The following LINGO1 variants were observed in gnomAD, a reference collection of about 807,000 sequenced individuals.
LINGO1 encodes the protein leucine-rich repeat and immunoglobulin-like domain-containing nogo receptor-interacting protein 1.
In LINGO1, 11 loss-of-function variants were observed where a neutral mutation model predicts 37.3. The observed-to-expected ratio is 0.29, with a 90% confidence interval of 0.19 to 0.49. The LOEUF (loss-of-function observed/expected upper bound fraction) is 0.49. Among genes scored for constraint, LINGO1 ranks in the 20% least tolerant of loss-of-function variants. LINGO1 has a pLI of 0.99. For synonymous variants in LINGO1, 387 were observed against 403.0 expected, an observed-to-expected ratio of 0.96 and a Z score of 0.48; for missense variants, 585 against 878.2, an observed-to-expected ratio of 0.67 and a Z score of 4.22.
chr15:77,796,753 C>G (rs1486149799), intron 1 of LINGO1, among the ~76,000 whole-genome samples: 1 of 151,950 alleles, frequency 6.6e-6, no homozygotes, highest in Non-Finnish European at 1.5e-5. Context: ...GCTCTGCCAC[C>G]CAGCCTGGAG....
At chr15:77,764,169 C>A (rs776355409) in intron 1 of LINGO1, among the ~76,000 whole-genome samples, 3 of 152,240 alleles carry the variant, frequency 2.0e-5, no homozygotes, top group Non-Finnish European at 4.4e-5. Flanking sequence ...ACTCCGTCTG[C>A]GTTCATGCCC....
At chr15:77,691,418 G>A (rs1163694998) in intron 1 of LINGO1, among the ~76,000 whole-genome samples, 1 of 152,042 alleles carries the variant, frequency 6.6e-6, no homozygotes, top group African/African-American at 2.4e-5. Context: ...CCATGGCCTC[G>A]TGTTTTCCCA....
At position 77,615,386 on chromosome 15, in the gene LINGO1, A is replaced by G. The variant is rs866553142; in HGVS notation, c.521T>C (p.Val174Ala). ...QDLYNLKSLE[V>A]GDNDLVYISH... The stretch of plus-strand genomic sequence containing the variant: ...GATGTAGACGAGGTCATTGTCGCCA[A>G]CCTCCAGTGACTTGAGGTTGTACAG... Residue 174 changes from valine to alanine, a missense_variant, in exon 2 of 2, where the codon GTT becomes GCT. By Grantham distance (64) the Val-to-Ala change is moderately conservative. Transcript: ENST00000355300. 7 of 1,613,814 alleles carry G rather than the reference A, an allele frequency of 4.3e-6. No homozygotes were observed. Among genetic ancestry groups the G allele is most frequent in the African/African-American group, 1.3e-5 (1 of 74,898 alleles).
intron 2 of LINGO1, among the ~76,000 whole-genome samples, chr15:77,725,846 T>C (rs2076096890): frequency 6.6e-6 from 1 of 152,182 alleles, no homozygotes; most frequent in South Asian, 2.1e-4. Context: ...AGAGAGCTGG[T>C]CTGAGATGGC....
rs78157930 is a variant in LINGO1 at position 77,676,065 on chromosome 15, G to T, written c.-13+1024C>A. Among the ~76,000 whole-genome samples, 780 of 152,362 alleles carry T rather than the reference G, an allele frequency of 5.1e-3. 7 individuals carry two copies. Among genetic ancestry groups the T allele is most frequent in the African/African-American group, 0.018 (751 of 41,584 alleles). ...TCCGCTGTCAGAGAGCCAGAGGGGG[G>T]AAGACGAGGAACCTTACAGCACTCC... is the stretch of plus-strand genomic sequence containing the variant. On this transcript the variant is annotated intron_variant, in intron 3 of 3. Transcript: ENST00000559893.
At position 77,614,798 on chromosome 15, in the gene LINGO1, G is replaced by A. The variant is rs747920582; in HGVS notation, c.1109C>T (p.Pro370Leu). ...NLETLILDSN[P>L]LACDCRLLWV... ...CAGGAGCCGACAGTCGCAGGCCAGC[G>A]GGTTGGAGTCCAGGATGAGTGTCTC... The change falls in exon 2 of 2, where the codon CCG (proline) becomes CTG (leucine). Residue 370 changes from proline to leucine, a missense_variant. Pro to Leu is a moderately conservative substitution (Grantham distance 98, BLOSUM62 -3). Transcript: ENST00000355300. 3 of 1,610,600 alleles carry A rather than the reference G, an allele frequency of 1.9e-6. No individual in the cohort carries two copies. Among genetic ancestry groups the A allele is most frequent in the Non-Finnish European group, 1.7e-6 (2 of 1,178,448 alleles).
At chr15:77,812,122 A>G (rs1345788492) in intron 1 of LINGO1, among the ~76,000 whole-genome samples, 1 of 152,184 alleles carries the variant, frequency 6.6e-6, no homozygotes, top group Admixed American at 6.5e-5. Context: ...ACTGAGCCCT[A>G]GCTGCACATT....
Position 77,613,845 on chromosome 15 carries a change from C to T in LINGO1, c.*199G>A. 1 of 599,734 alleles carries T rather than the reference C, an allele frequency of 1.7e-6. No individual in the cohort carries two copies. The highest frequency in any genetic ancestry group is 2.8e-5 in the East Asian group (1 of 35,906). The allele number at this position is 599,734 out of a possible 1,614,324, so 37.2% of individuals were successfully genotyped here. ...CCCTGTGTAGGTGGGGTCCCCAGGT[C>T]TGGGCTTCTGAGGTCCTGGTAGAAG... On this transcript the variant is annotated 3_prime_UTR_variant, in exon 2 of 2. Coordinates refer to ENST00000355300, the MANE Select transcript of LINGO1 (RefSeq NM_032808.7).
At chr15:77,705,630 C>T (rs139102860) in intron 2 of LINGO1, among the ~76,000 whole-genome samples, 3 of 152,374 alleles carry the variant, frequency 2.0e-5, no homozygotes, top group African/African-American at 7.2e-5. Context: ...GGGAGCCACC[C>T]TGTCCTGGGC....
intron 2 of LINGO1, among the ~76,000 whole-genome samples, chr15:77,680,598 C>A (rs919599973): frequency 6.6e-6 from 1 of 152,118 alleles, no homozygotes; most frequent in Non-Finnish European, 1.5e-5. Flanking sequence ...GCAGGACCTT[C>A]CCCACATGCA....
At chr15:77,795,224 C>G (rs1178645983) in intron 2 of LINGO1, among the ~76,000 whole-genome samples, 1 of 152,182 alleles carries the variant, frequency 6.6e-6, no homozygotes, top group Non-Finnish European at 1.5e-5. Context: ...GGGGTCAAGC[C>G]AGGCAGCAAC....
At chr15:77,648,491 T>C (rs2141131628) in intron 3 of LINGO1, 1 of 153,148 alleles carries the variant, frequency 6.5e-6, no homozygotes, top group Admixed American at 6.5e-5. Flanking sequence ...CATTTATCCA[T>C]GTTCTTACTC....
intron 1 of LINGO1, among the ~76,000 whole-genome samples, chr15:77,749,146 G>A (rs889424507): frequency 6.6e-6 from 1 of 151,924 alleles, no homozygotes. Flanking sequence ...GACCTTAGGT[G>A]ATCCGCCTGC....
chr15:77,636,721 C>T (rs998687842), upstream of LINGO1, among the ~76,000 whole-genome samples: 4 of 152,206 alleles, frequency 2.6e-5, no homozygotes, highest in South Asian at 2.1e-4. Context: ...GCTCCTTGGA[C>T]GACCCTGATC....
At chr15:77,713,016 T>C (rs1263101862) in intron 2 of LINGO1, among the ~76,000 whole-genome samples, 1 of 152,108 alleles carries the variant, frequency 6.6e-6, no homozygotes, top group Non-Finnish European at 1.5e-5. Flanking sequence ...CTTCCTTCAT[T>C]ATGCTGGGGT....
intron 1 of LINGO1, among the ~76,000 whole-genome samples, chr15:77,628,889 C>T (rs375842724): frequency 3.9e-5 from 6 of 152,188 alleles, no homozygotes; most frequent in African/African-American, 1.4e-4. Flanking sequence ...TAAAATCAAA[C>T]CTCTGCACCT....
At chr15:77,687,938 T>C (rs1034312819) in intron 2 of LINGO1, among the ~76,000 whole-genome samples, 1 of 152,020 alleles carries the variant, frequency 6.6e-6, no homozygotes, top group Non-Finnish European at 1.5e-5. Context: ...GCTACCACCA[T>C]CGGGCTTCAG....
chr15:77,635,101 T>C (rs773254253), upstream of LINGO1, among the ~76,000 whole-genome samples: 13 of 152,036 alleles, frequency 8.6e-5, no homozygotes, highest in Non-Finnish European at 1.5e-4. Context: ...TAGGGTGGGG[T>C]ATTTTGGTGC....
chr15:77,650,878 G>A (rs1035543218), intron 3 of LINGO1, among the ~76,000 whole-genome samples: 2 of 152,088 alleles, frequency 1.3e-5, no homozygotes, highest in Non-Finnish European at 2.9e-5. Flanking sequence ...CTGGGTGCTG[G>A]AGGACAGGGC....
Sources: gnomAD v4.1 joint callset for allele counts (sites outside exome capture counted in the v4.1 genomes callset) on GRCh38, gnomAD v4.1.1 for gene constraint, MANE v1.5 for transcripts, NCBI Gene and HGNC (gene_info 2026-07-23, HGNC 2026-07-21) for gene names.